CNTN5: variants seen among roughly 807,000 people sequenced by gnomAD.
CNTN5 encodes contactin-5.
A neutral mutation model predicts 129.1 loss-of-function variants in CNTN5; 77 were observed. The observed-to-expected ratio is 0.60, with a 90% CI of 0.50 to 0.72. The LOEUF is 0.72. CNTN5 is among the 30% of genes least tolerant of loss of function. The pLI, the probability that CNTN5 is intolerant of heterozygous loss-of-function variation, is 0.00. For synonymous variants in CNTN5, 509 were observed against 465.6 expected (o/e 1.09, Z -1.20); for missense variants, 1,478 against 1,328.8 (o/e 1.11, Z -1.75).
chr11:99,339,641 G>C (rs933297593), intron 2 of CNTN5, among the ~76,000 whole-genome samples: 12 of 152,148 alleles, frequency 7.9e-5, no homozygotes, highest in Admixed American at 2.0e-4. Context: ...AATTAGCCGG[G>C]TGTGGTGGCA....
At chr11:99,100,676 T>C (rs1423972366) in intron 1 of CNTN5, among the ~76,000 whole-genome samples, 1 of 152,150 alleles carries the variant, frequency 6.6e-6, no homozygotes, top group African/African-American at 2.4e-5. Context: ...ATATAAAATA[T>C]GTTGAACAAA....
At chr11:100,241,924 T>G (rs980613229) in intron 16 of CNTN5, among the ~76,000 whole-genome samples, 3 of 152,212 alleles carry the variant, frequency 2.0e-5, no homozygotes, top group Admixed American at 2.0e-4. Flanking sequence ...TCATATGTTT[T>G]TAATGATTTA....
intron 2 of CNTN5, among the ~76,000 whole-genome samples, chr11:99,518,622 G>A (rs964598833): frequency 6.6e-6 from 1 of 151,942 alleles, no homozygotes; most frequent in Non-Finnish European, 1.5e-5. Context: ...GGCAGCAATG[G>A]CTATATTAAG....
chr11:99,454,928 G>T (rs1274425289), intron 2 of CNTN5, among the ~76,000 whole-genome samples: 3 of 152,080 alleles, frequency 2.0e-5, no homozygotes, highest in African/African-American at 7.2e-5. Context: ...TGACACAGAA[G>T]AGTAGTAAGC....
At chr11:99,069,997 G>A (rs931565367) in intron 1 of CNTN5, among the ~76,000 whole-genome samples, 8 of 152,166 alleles carry the variant, frequency 5.3e-5, no homozygotes, top group African/African-American at 1.9e-4. Context: ...AATGAGGTCT[G>A]CGTTGCCAGC....
intron 8 of CNTN5, among the ~76,000 whole-genome samples, chr11:99,976,157 C>T (rs561113149): frequency 9.4e-4 from 143 of 152,328 alleles, no homozygotes; most frequent in African/African-American, 3.1e-3. Flanking sequence ...ATTGACTCCA[C>T]GTCTCACATC....
At chr11:99,404,670 C>T (rs1195016800) in intron 2 of CNTN5, among the ~76,000 whole-genome samples, 1 of 152,020 alleles carries the variant, frequency 6.6e-6, no homozygotes, top group Non-Finnish European at 1.5e-5. Flanking sequence ...CATCCTTGTG[C>T]TTTTTAACTT....
chr11:99,855,145 C>T (rs987356124), intron 6 of CNTN5, among the ~76,000 whole-genome samples: 6 of 151,978 alleles, frequency 3.9e-5, no homozygotes, highest in Non-Finnish European at 7.4e-5. Context: ...CTCATCTCTA[C>T]CAAAAGTACA....
intron 3 of CNTN5, among the ~76,000 whole-genome samples, chr11:99,815,276 C>T (rs1145396): frequency 0.25 from 37,483 of 152,004 alleles, 5,097 homozygotes; most frequent in Non-Finnish European, 0.32. Flanking sequence ...CAAAGTTGAG[C>T]GTTAGATAAA....
At chr11:99,116,794 A>G (rs1022704554) in intron 1 of CNTN5, among the ~76,000 whole-genome samples, 1 of 152,176 alleles carries the variant, frequency 6.6e-6, no homozygotes, top group Non-Finnish European at 1.5e-5. Context: ...GAAACAGATG[A>G]ATACATTTAG....
At chr11:99,130,586 G>A (rs61893382) in intron 1 of CNTN5, among the ~76,000 whole-genome samples, 10,077 of 152,084 alleles carry the variant, frequency 0.066, 851 homozygotes, top group East Asian at 0.35. Context: ...ATCAGGACTC[G>A]AACTCAGCTC....
chr11:99,226,833 A>G (rs1273524990), intron 1 of CNTN5, among the ~76,000 whole-genome samples: 1 of 152,166 alleles, frequency 6.6e-6, no homozygotes, highest in African/African-American at 2.4e-5. Context: ...TTCGTACAAA[A>G]CAGAGCTCCA....
intron 3 of CNTN5, among the ~76,000 whole-genome samples, chr11:99,643,137 A>G (rs2510975): frequency 0.6 from 91,214 of 151,840 alleles, 28,227 homozygotes; most frequent in Admixed American, 0.69. Context: ...ATTATCTCAT[A>G]CAAAACTTAG....
At chr11:100,291,094 A>G (rs1240952888) in intron 18 of CNTN5, among the ~76,000 whole-genome samples, 1 of 148,600 alleles carries the variant, frequency 6.7e-6, no homozygotes, top group Non-Finnish European at 1.5e-5. Context: ...CAATCATTAA[A>G]AAGTCAGGAA....
At chr11:99,713,113 AT>A (rs1955068686) in intron 3 of CNTN5, among the ~76,000 whole-genome samples, 1 of 152,136 alleles carries the variant, frequency 6.6e-6, no homozygotes, top group Admixed American at 6.6e-5. Flanking sequence ...TATCCTATCC[AT>A]GAGCATGGAA....
At chr11:99,115,127 A>C (rs1329053964) in intron 1 of CNTN5, among the ~76,000 whole-genome samples, 4 of 152,138 alleles carry the variant, frequency 2.6e-5, no homozygotes. Context: ...CCAAACTGTG[A>C]GAAATAAATT....
intron 18 of CNTN5, among the ~76,000 whole-genome samples, chr11:100,291,398 C>T (rs1400654576): frequency 2.0e-5 from 3 of 148,364 alleles, no homozygotes; most frequent in South Asian, 2.2e-4. Context: ...GAAAATGTGG[C>T]ACATATACAC....
At chr11:99,196,167 AAT>A (rs1591343356) in intron 1 of CNTN5, among the ~76,000 whole-genome samples, 1 of 152,022 alleles carries the variant, frequency 6.6e-6, no homozygotes, top group South Asian at 2.1e-4. Context: ...TAAAAAAAAA[AAT>A]AGTGTGTTTT....
intron 3 of CNTN5, among the ~76,000 whole-genome samples, chr11:99,696,445 A>G (rs1464140637): frequency 1.3e-5 from 2 of 152,092 alleles, no homozygotes; most frequent in Non-Finnish European, 2.9e-5. Context: ...AAAAGCAATA[A>G]TGGTTCAGAT....
Sources: gnomAD v4.1 joint callset for allele counts (sites outside exome capture counted in the v4.1 genomes callset) on GRCh38, gnomAD v4.1.1 for gene constraint, MANE v1.5 for transcripts, NCBI Gene and HGNC (gene_info 2026-07-23, HGNC 2026-07-21) for gene names.